Variants in SFMBT1 observed in about 807,000 individuals in gnomAD.
SFMBT1 encodes Scm like with four mbt domains 1.
SFMBT1 carries 32 observed loss-of-function variants against 108.7 expected under a neutral mutation model. That is an observed-to-expected ratio of 0.29 (90% CI 0.22 to 0.40). SFMBT1 has a LOEUF of 0.40. SFMBT1 is among the 10% of genes least tolerant of loss of function. The pLI is 1.00. For synonymous variants in SFMBT1, 348 were observed against 369.5 expected (o/e 0.94, Z 0.67); for missense variants, 816 against 1,059.6 (o/e 0.77, Z 3.19).
Position 52,907,682 on chromosome 3 carries a change from C to T in SFMBT1, c.1958G>A (p.Gly653Glu), listed in dbSNP as rs1702105400. Residue 653 changes from glycine (G) to glutamate (E), a missense_variant, in exon 18 of 21, where the codon GGG (glycine) becomes GAG (glutamate). Transcript: ENST00000394752. ...KNKRIGRPPG[G>E]HSNLACALKK... is the part of the protein sequence containing the mutation. Reference sequence around the variant, plus strand: ...CAGGGCACAAGCTAAGTTACTATGCCCACCAGGTGGCCTCCCAATTCTTTT... The same window carrying T: ...CAGGGCACAAGCTAAGTTACTATGCTCACCAGGTGGCCTCCCAATTCTTTT... 1 of 1,613,682 alleles carries T rather than the reference C, an allele frequency of 6.2e-7. No homozygotes were observed.
At chr3:52,993,532 C>T (rs2106899893) in intron 1 of SFMBT1, among the ~76,000 whole-genome samples, 1 of 150,068 alleles carries the variant, frequency 6.7e-6, no homozygotes, top group East Asian at 1.9e-4. Flanking sequence ...AGTATACCAA[C>T]CTTCCCTATC....
intron 1 of SFMBT1, among the ~76,000 whole-genome samples, chr3:53,013,675 C>T (rs868629313): frequency 2.5e-5 from 3 of 120,372 alleles, no homozygotes; most frequent in African/African-American, 9.9e-5. Flanking sequence ...GTCACCCAGG[C>T]CGGAGTGCAA....
chr3:53,008,336 C>T (rs759125653), intron 1 of SFMBT1, among the ~76,000 whole-genome samples: 1 of 152,164 alleles, frequency 6.6e-6, no homozygotes, highest in Non-Finnish European at 1.5e-5. Flanking sequence ...CAAGTTTTCT[C>T]TACTGTACTT....
chr3:52,984,395 ATTCT>A (rs1185233390), intron 1 of SFMBT1, among the ~76,000 whole-genome samples: 1 of 150,922 alleles, frequency 6.6e-6, no homozygotes, highest in Non-Finnish European at 1.5e-5. Flanking sequence ...AATGGGGCCA[ATTCT>A]TTTTTTTTTT....
chr3:52,979,865 G>A (rs924360062), intron 1 of SFMBT1, among the ~76,000 whole-genome samples: 1 of 152,154 alleles, frequency 6.6e-6, no homozygotes, highest in Non-Finnish European at 1.5e-5. Context: ...TCTAAAGTGT[G>A]TAGATAGCCA....
intron 1 of SFMBT1, among the ~76,000 whole-genome samples, chr3:53,009,338 C>T (rs1437650284): frequency 6.6e-6 from 1 of 152,030 alleles, no homozygotes; most frequent in Non-Finnish European, 1.5e-5. Context: ...ATCTCAGCTA[C>T]TCGGGAGGCT....
chr3:52,916,313 C>T, intron 13 of SFMBT1, 99 bp from the exon 14 acceptor site: 2 of 985,572 alleles, frequency 2.0e-6, no homozygotes, highest in Non-Finnish European at 1.5e-6. Flanking sequence ...GCAAATGTGG[C>T]ATGTTCGCAA....
chr3:52,929,420 G>A (rs1396164891), intron 8 of SFMBT1, among the ~76,000 whole-genome samples: 1 of 152,152 alleles, frequency 6.6e-6, no homozygotes, highest in Non-Finnish European at 1.5e-5. Flanking sequence ...TGTATTTTTA[G>A]TAGAGATGGG....
chr3:52,976,687 A>C (rs2106871668), intron 1 of SFMBT1, among the ~76,000 whole-genome samples: 1 of 152,350 alleles, frequency 6.6e-6, no homozygotes, highest in Middle Eastern at 3.4e-3. Flanking sequence ...GCTACAGAAA[A>C]AAAACTATCT....
chr3:52,923,077 G>C (rs1290132900), intron 10 of SFMBT1, among the ~76,000 whole-genome samples: 1 of 152,140 alleles, frequency 6.6e-6, no homozygotes, highest in African/African-American at 2.4e-5. Context: ...CTTCCTTTCA[G>C]TCACCCATTC....
chr3:52,952,174 CG>C (rs1703618436), intron 3 of SFMBT1, among the ~76,000 whole-genome samples: 1 of 151,864 alleles, frequency 6.6e-6, no homozygotes, highest in African/African-American at 2.4e-5. Flanking sequence ...CTGGCTAACA[CG>C]GTGAAACCCC....
chr3:53,043,367 T>C (rs903748683), intron 1 of SFMBT1: 3 of 152,244 alleles, frequency 2.0e-5, no homozygotes, highest in African/African-American at 7.2e-5. Flanking sequence ...TGTTGCACTT[T>C]AAATGATTTG....
At chr3:52,953,662 C>T (rs1017054214) in intron 3 of SFMBT1, among the ~76,000 whole-genome samples, 3 of 152,078 alleles carry the variant, frequency 2.0e-5, no homozygotes, top group Admixed American at 1.3e-4. Flanking sequence ...GCAAATAATG[C>T]TATTGAAATT....
At chr3:52,956,684 C>T (rs370396240) in intron 2 of SFMBT1, among the ~76,000 whole-genome samples, 1 of 152,052 alleles carries the variant, frequency 6.6e-6, no homozygotes, top group Non-Finnish European at 1.5e-5. Flanking sequence ...TCACTTGAAC[C>T]GGGGAGGTGG....
At chr3:52,921,396 G>A (rs1476749657) in intron 11 of SFMBT1, among the ~76,000 whole-genome samples, 1 of 152,078 alleles carries the variant, frequency 6.6e-6, no homozygotes, top group Middle Eastern at 3.2e-3. Context: ...AATAAGCTAG[G>A]TGTTAATGTC....
At chr3:52,928,708 T>G (rs1388676587) in intron 8 of SFMBT1, among the ~76,000 whole-genome samples, 1 of 148,634 alleles carries the variant, frequency 6.7e-6, no homozygotes, top group African/African-American at 2.5e-5. Flanking sequence ...TGTTTGTTTT[T>G]TTTTGGAGAC....
intron 1 of SFMBT1, among the ~76,000 whole-genome samples, chr3:53,007,666 T>G (rs1430518014): frequency 6.6e-6 from 1 of 152,096 alleles, no homozygotes; most frequent in African/African-American, 2.4e-5. Flanking sequence ...ATAAAAAACA[T>G]GAGTTCATAT....
rs376217319 is a variant in SFMBT1, at chr3:52,944,300, A to T, written c.124-707T>A. ...GCCTGTGGTGTTGGACTGGAATCAG[A>T]TGCATCTGAACAGGGACATGATGAT... is the stretch of plus-strand genomic sequence containing the variant. On this transcript the variant is annotated intron_variant, in intron 3 of 20. Coordinates refer to ENST00000394752, the MANE Select transcript of SFMBT1 (RefSeq NM_016329.4). Among the ~76,000 whole-genome samples the T allele has an allele frequency of 1.1e-4, 16 of 152,376 alleles. No individual in the cohort carries two copies. The East Asian group carries it at 2.9e-3, about 27-fold the overall frequency.
At position 53,045,936 on chromosome 3, in the gene SFMBT1, TGCCCGCGCTC is replaced by T; in HGVS notation, c.-261_-252del. ...GCGCGGAAGCTTTTTCCTCCCGTGC[TGCCCGCGCTC>T]GCCCGCTCGCGCCCTCCTTCCTGCT... On this transcript the variant is annotated 5_prime_UTR_variant, in exon 1 of 21. An upstream open reading frame in the 5' UTR loses its in-frame stop. Coordinates refer to ENST00000394752, the MANE Select transcript of SFMBT1 (RefSeq NM_016329.4). 6.6e-6 allele frequency: 1 copy of T among 150,844 alleles called. No individual in the cohort carries two copies. 9.3% of individuals were successfully genotyped at this position (150,844 alleles called of 1,614,324 possible).
Sources: allele counts gnomAD v4.1 joint callset (sites outside exome capture counted in the v4.1 genomes callset), GRCh38; gene constraint gnomAD v4.1.1; transcripts MANE v1.5; gene names NCBI Gene and HGNC (gene_info 2026-07-23, HGNC 2026-07-21).